Variants in MYO3B observed in about 807,000 individuals in gnomAD.
The protein encoded by MYO3B is myosin IIIB.
Under a neutral mutation model 174.6 loss-of-function variants are expected in MYO3B, and 156 were observed. The ratio of observed to expected loss-of-function variants is 0.89; its 90% CI spans 0.78 to 1.02. The LOEUF (loss-of-function observed/expected upper bound fraction) is 1.02, where lower values mean the gene tolerates loss of function less well. Among genes scored for constraint, MYO3B ranks in the 50% least tolerant of loss-of-function variants. MYO3B has a pLI of 0.00. For synonymous variants in MYO3B, 563 were observed against 569.1 expected (o/e 0.99, Z 0.15); for missense variants, 1,632 against 1,639.4 (o/e 1.00, Z 0.08).
intron 32 of MYO3B, among the ~76,000 whole-genome samples, chr2:170,590,208 G>T (rs1055452465): frequency 9.2e-5 from 14 of 152,144 alleles, no homozygotes; most frequent in African/African-American, 2.4e-5. Flanking sequence ...CAAAATTCTT[G>T]TTACAGTTAC....
At chr2:170,509,148 G>A (rs1341451920) in intron 28 of MYO3B, among the ~76,000 whole-genome samples, 1 of 152,194 alleles carries the variant, frequency 6.6e-6, no homozygotes, top group African/African-American at 2.4e-5. Flanking sequence ...CTTGAGGTCA[G>A]GAGTTTGAGA....
At chr2:170,610,107 C>T (rs778334225) in intron 32 of MYO3B, among the ~76,000 whole-genome samples, 11 of 152,166 alleles carry the variant, frequency 7.2e-5, no homozygotes, top group South Asian at 2.1e-4. Context: ...GAGGCCAAGG[C>T]GGGTGGTTCA....
chr2:170,200,324 G>A, intron 3 of MYO3B, 40 bp downstream of exon 3: 1 of 1,592,844 alleles, frequency 6.3e-7, no homozygotes, highest in Non-Finnish European at 8.5e-7. Context: ...TTTGAACAGA[G>A]TGCCAGAGGC....
At chr2:170,598,611 C>T (rs940561665) in intron 32 of MYO3B, among the ~76,000 whole-genome samples, 1 of 152,132 alleles carries the variant, frequency 6.6e-6, no homozygotes, top group Non-Finnish European at 1.5e-5. Context: ...GCCACAGACC[C>T]GAGTCCATTG....
intron 23 of MYO3B, among the ~76,000 whole-genome samples, chr2:170,455,828 G>C (rs750264307): frequency 2.1e-4 from 32 of 152,154 alleles, no homozygotes; most frequent in Non-Finnish European, 2.8e-4. Flanking sequence ...CAGAAAGCAC[G>C]CTTGCTCAGC....
intron 8 of MYO3B, among the ~76,000 whole-genome samples, chr2:170,351,406 C>T (rs2094068021): frequency 6.6e-6 from 1 of 152,068 alleles, no homozygotes; most frequent in Non-Finnish European, 1.5e-5. Context: ...TGATGCTGAC[C>T]ATCACCCAGG....
chr2:170,632,674 A>ATG (rs1697111061), intron 32 of MYO3B, among the ~76,000 whole-genome samples: 2 of 152,190 alleles, frequency 1.3e-5, no homozygotes, highest in Non-Finnish European at 2.9e-5. Context: ...AAACCCTTCA[A>ATG]AAAAACCAAC....
At chr2:170,371,427 TA>T (rs35925759) in intron 9 of MYO3B, among the ~76,000 whole-genome samples, 45,284 of 150,352 alleles carry the variant, frequency 0.3, 8,126 homozygotes, top group Non-Finnish European at 0.4. Context: ...GAACTATCAT[TA>T]AAAAAAAATA....
chr2:170,568,062 A>G (rs771897099), intron 32 of MYO3B, among the ~76,000 whole-genome samples: 2 of 152,322 alleles, frequency 1.3e-5, no homozygotes, highest in South Asian at 4.1e-4. Flanking sequence ...GTACTGGGCA[A>G]CTGGAGGCAC....
rs139451453 is a variant in MYO3B at position 170,470,654 on chromosome 2, CTG to C, written c.3014+3945_3014+3946del. On this transcript the variant is annotated intron_variant, in intron 25 of 34. Transcript: ENST00000408978. ...AATTTCTTGGTCATATGGTAACCCTCTGTTCCAAGTGGCTGAACAATTTAAAT... is the reference window on the plus strand; with the variant it reads ...AATTTCTTGGTCATATGGTAACCCTCTTCCAAGTGGCTGAACAATTTAAAT... 3.4e-3 allele frequency among the ~76,000 whole-genome samples: 524 copies of C among 152,304 alleles called. 8 individuals carry two copies. In the East Asian group the frequency reaches 0.057, roughly 17 times the overall value.
intron 32 of MYO3B, among the ~76,000 whole-genome samples, chr2:170,647,449 T>G (rs1338551987): frequency 1.3e-5 from 2 of 152,240 alleles, no homozygotes; most frequent in Non-Finnish European, 2.9e-5. Context: ...AATAATGGTC[T>G]ACTTCCCAAC....
chr2:170,467,027 C>T (rs891128917), intron 25 of MYO3B, among the ~76,000 whole-genome samples: 5 of 152,090 alleles, frequency 3.3e-5, no homozygotes, highest in Non-Finnish European at 5.9e-5. Flanking sequence ...ATAAGTGGGC[C>T]GGATTTGAAT....
rs1390908860 is a variant in MYO3B at position 170,653,137 on chromosome 2, C to T, written c.*16C>T. On this transcript the variant is annotated 3_prime_UTR_variant, in exon 35 of 35. Coordinates refer to ENST00000408978, the MANE Select transcript of MYO3B (RefSeq NM_138995.5). Reference sequence around the variant, plus strand: ...TCAACATTAAATTGTGCTTCCTAACCCTAAATCTGTCCAGAGTAGGAACAT... The same window carrying T: ...TCAACATTAAATTGTGCTTCCTAACTCTAAATCTGTCCAGAGTAGGAACAT... 3.7e-6 allele frequency: 6 copies of T among 1,613,954 alleles called. No homozygotes were observed. Among genetic ancestry groups the T allele is most frequent in the Admixed American group, 3.3e-5 (2 of 60,008 alleles).
intron 32 of MYO3B, among the ~76,000 whole-genome samples, chr2:170,579,194 G>GCATGAGAC (rs1257123739): frequency 6.6e-6 from 1 of 152,080 alleles, no homozygotes; most frequent in Non-Finnish European, 1.5e-5. Flanking sequence ...TGCTTTGTTT[G>GCATGAGAC]CATGAGACCA....
At chr2:170,314,500 C>T (rs1479458945) in intron 7 of MYO3B, among the ~76,000 whole-genome samples, 1 of 152,120 alleles carries the variant, frequency 6.6e-6, no homozygotes, top group Non-Finnish European at 1.5e-5. Flanking sequence ...TGGTTGTGCT[C>T]TCATCTTATC....
intron 22 of MYO3B, among the ~76,000 whole-genome samples, chr2:170,438,505 A>G (rs1209011199): frequency 6.6e-6 from 1 of 152,234 alleles, no homozygotes; most frequent in Non-Finnish European, 1.5e-5. Flanking sequence ...GAAACTTTAT[A>G]CTACATTTTC....
At chr2:170,594,825 G>A (rs984362828) in intron 32 of MYO3B, among the ~76,000 whole-genome samples, 13 of 132,640 alleles carry the variant, frequency 9.8e-5, no homozygotes, top group Non-Finnish European at 1.6e-4. Context: ...TTCCCAGCGC[G>A]CGCACACACA....
At chr2:170,330,677 C>T (rs912235480) in intron 7 of MYO3B, among the ~76,000 whole-genome samples, 1 of 152,150 alleles carries the variant, frequency 6.6e-6, no homozygotes, top group Admixed American at 6.5e-5. Context: ...CTAATGTCTA[C>T]AATGAGGTTT....
At chr2:170,577,729 T>A (rs967433974) in intron 32 of MYO3B, among the ~76,000 whole-genome samples, 4 of 152,218 alleles carry the variant, frequency 2.6e-5, no homozygotes, top group Non-Finnish European at 2.9e-5. Context: ...AGATTCATTT[T>A]CCTGTGAGTG....
Sources: gnomAD v4.1 joint callset for allele counts (sites outside exome capture counted in the v4.1 genomes callset) on GRCh38, gnomAD v4.1.1 for gene constraint, MANE v1.5 for transcripts, NCBI Gene and HGNC (gene_info 2026-07-23, HGNC 2026-07-21) for gene names.